The following SPATS2 variants were observed in gnomAD, a reference collection of about 807,000 sequenced individuals.
SPATS2 encodes spermatogenesis-associated serine-rich protein 2.
A neutral mutation model predicts 63.7 loss-of-function variants in SPATS2; 38 were observed. That is an observed-to-expected ratio of 0.60 (90% CI 0.46 to 0.78). The LOEUF is 0.78. Ranked by LOEUF, SPATS2 falls within the 30% of genes least tolerant of loss-of-function variation. The probability of loss-of-function intolerance (pLI) is 0.00; values close to 1 mark genes in which losing one functional copy is unlikely to be tolerated. For missense variants in SPATS2, 588 were observed against 666.2 expected, an observed-to-expected ratio of 0.88 and a Z score of 1.29; for synonymous variants, 207 against 232.9, an observed-to-expected ratio of 0.89 and a Z score of 1.01.
At chr12:49,425,535 G>A (rs1167291741) in intron 2 of SPATS2, among the ~76,000 whole-genome samples, 2 of 151,898 alleles carry the variant, frequency 1.3e-5, no homozygotes, top group Admixed American at 6.6e-5. Context: ...GCCCAGGCTC[G>A]TCTCGAACTC....
intron 2 of SPATS2, among the ~76,000 whole-genome samples, chr12:49,392,520 C>T (rs1944435298): frequency 6.6e-6 from 1 of 152,050 alleles, no homozygotes; most frequent in East Asian, 1.9e-4. Flanking sequence ...CGAGACTAGC[C>T]TGGCCAACAT....
At chr12:49,495,416 C>G (rs924561287) in intron 7 of SPATS2, among the ~76,000 whole-genome samples, 1 of 152,040 alleles carries the variant, frequency 6.6e-6, no homozygotes, top group African/African-American at 2.4e-5. Flanking sequence ...CCAGGATAGT[C>G]TTGATCTCCT....
chr12:49,451,060 T>C lies in SPATS2; in HGVS notation c.-243-9710T>C, dbSNP rs376391425. On this transcript the variant is annotated intron_variant, in intron 2 of 13. Coordinates refer to ENST00000552918, the MANE Select transcript of SPATS2 (RefSeq NM_023071.4). ...ATATTTTTTGTATTTTTAGTAGAGA[T>C]GGGATTTTACCATGTTGGCTAGGCT... Among the ~76,000 whole-genome samples the C allele has an allele frequency of 4.8e-4, 72 of 151,340 alleles. No homozygotes were observed. In the South Asian group the frequency reaches 0.012, roughly 26 times the overall value.
At chr12:49,374,732 G>A (rs991241030) in intron 2 of SPATS2, among the ~76,000 whole-genome samples, 2 of 151,948 alleles carry the variant, frequency 1.3e-5, no homozygotes, top group South Asian at 4.2e-4. Context: ...AGGCCGAGGC[G>A]GGCAGATCAC....
At chr12:49,398,232 CCAGA>C (rs1339459598) in intron 2 of SPATS2, among the ~76,000 whole-genome samples, 1 of 150,310 alleles carries the variant, frequency 6.7e-6, no homozygotes, top group Non-Finnish European at 1.5e-5. Flanking sequence ...AGGATGGGGG[CCAGA>C]CTAGGGCCAG....
intron 2 of SPATS2, among the ~76,000 whole-genome samples, chr12:49,457,294 C>T (rs1018735816): frequency 2.6e-5 from 4 of 151,972 alleles, no homozygotes; most frequent in Non-Finnish European, 5.9e-5. Context: ...TATTTATCTT[C>T]TTCATGTTAT....
chr12:49,423,542 A>T (rs975150888), intron 2 of SPATS2, among the ~76,000 whole-genome samples: 3 of 152,182 alleles, frequency 2.0e-5, no homozygotes, highest in Non-Finnish European at 4.4e-5. Context: ...TTGCATTCTG[A>T]TATACCATAA....
chr12:49,383,172 C>T lies in SPATS2; in HGVS notation c.-244+11882C>T, dbSNP rs184854835. Reference sequence around the variant, plus strand: ...AGCTGGGATTACAGGCGCACACCACCATGCCTGGCTAATGTTTTGTATTTT... The same window carrying T: ...AGCTGGGATTACAGGCGCACACCACTATGCCTGGCTAATGTTTTGTATTTT... On this transcript the variant is annotated intron_variant, in intron 2 of 13. Coordinates refer to ENST00000552918, the MANE Select transcript of SPATS2 (RefSeq NM_023071.4). 7.9e-3 allele frequency among the ~76,000 whole-genome samples: 1,202 copies of T among 151,980 alleles called. 10 individuals carry two copies. Among genetic ancestry groups the T allele is most frequent in the Non-Finnish European group, 0.013 (899 of 67,982 alleles).
chr12:49,396,035 A>C (rs1944504923), intron 2 of SPATS2, among the ~76,000 whole-genome samples: 1 of 152,228 alleles, frequency 6.6e-6, no homozygotes, highest in Admixed American at 6.5e-5. Flanking sequence ...TTCACTTAGC[A>C]TAGTGTTTCA....
intron 2 of SPATS2, among the ~76,000 whole-genome samples, chr12:49,440,300 G>A (rs12813536): frequency 5.3e-5 from 8 of 152,110 alleles, no homozygotes; most frequent in African/African-American, 1.7e-4. Context: ...ATTTCCTGAT[G>A]TACAGCTCCT....
At chr12:49,436,655 G>A (rs1945301912) in intron 2 of SPATS2, among the ~76,000 whole-genome samples, 1 of 132,232 alleles carries the variant, frequency 7.6e-6, no homozygotes, top group South Asian at 2.4e-4. Context: ...CGGGCAGAGG[G>A]GCTCCTCTCT....
At chr12:49,382,128 C>G (rs1444275702) in intron 2 of SPATS2, among the ~76,000 whole-genome samples, 1 of 152,236 alleles carries the variant, frequency 6.6e-6, no homozygotes, top group Non-Finnish European at 1.5e-5. Flanking sequence ...ATTTTGTGAA[C>G]TCTGCCTGCA....
intron 4 of SPATS2, among the ~76,000 whole-genome samples, chr12:49,487,604 T>A (rs1384948170): frequency 6.6e-6 from 1 of 152,148 alleles, no homozygotes; most frequent in Non-Finnish European, 1.5e-5. Context: ...TTTGTTTGGG[T>A]TTTTTGGTTT....
intron 2 of SPATS2, among the ~76,000 whole-genome samples, chr12:49,417,645 C>CT (rs1286370117): frequency 4.6e-5 from 7 of 152,070 alleles, no homozygotes; most frequent in Admixed American, 2.0e-4. Context: ...TTTGCTGTTT[C>CT]TTTATCTTTC....
At chr12:49,416,842 C>T (rs890561193) in intron 2 of SPATS2, among the ~76,000 whole-genome samples, 7 of 152,108 alleles carry the variant, frequency 4.6e-5, no homozygotes, top group African/African-American at 1.7e-4. Flanking sequence ...TGTTGCATTC[C>T]CTTCATGGGG....
Position 49,405,065 on chromosome 12 carries a change from T to G in SPATS2, c.-244+33775T>G, listed in dbSNP as rs200212340. 2.6e-5 allele frequency among the ~76,000 whole-genome samples: 4 copies of G among 152,114 alleles called. No homozygotes were observed. In the East Asian group the frequency reaches 7.7e-4, roughly 29 times the overall value. On this transcript the variant is annotated intron_variant, in intron 2 of 13. Coordinates refer to ENST00000552918, the MANE Select transcript of SPATS2 (RefSeq NM_023071.4). ...TGGTTGCAATACAGACTGTATGGCTTGCAAAGCCTAAAATATTTGGTATCT... is the reference window on the plus strand; with the variant it reads ...TGGTTGCAATACAGACTGTATGGCTGGCAAAGCCTAAAATATTTGGTATCT...
chr12:49,437,019 C>T (rs1446457183), intron 2 of SPATS2, among the ~76,000 whole-genome samples: 4 of 151,948 alleles, frequency 2.6e-5, no homozygotes, highest in African/African-American at 7.2e-5. Context: ...CTGACCCCCA[C>T]CTCCCTCCCA....
chr12:49,447,389 C>T (rs375199589), intron 2 of SPATS2, among the ~76,000 whole-genome samples: 3 of 152,204 alleles, frequency 2.0e-5, no homozygotes, highest in Admixed American at 6.5e-5. Flanking sequence ...CAGGTGCGCA[C>T]CACCATGCCT....
intron 3 of SPATS2, among the ~76,000 whole-genome samples, chr12:49,464,313 G>C (rs1945871148): frequency 6.6e-6 from 1 of 151,850 alleles, no homozygotes; most frequent in African/African-American, 2.4e-5. Context: ...AAATCAGCCT[G>C]GACAACATAG....
Sources: gnomAD v4.1 joint callset for allele counts (sites outside exome capture counted in the v4.1 genomes callset) on GRCh38, gnomAD v4.1.1 for gene constraint, MANE v1.5 for transcripts, NCBI Gene and HGNC (gene_info 2026-07-23, HGNC 2026-07-21) for gene names.